Variants in CEP170B observed in about 807,000 individuals in gnomAD.
CEP170B encodes the protein centrosomal protein of 170 kDa protein B.
Under a neutral mutation model 120.6 loss-of-function variants are expected in CEP170B, and 55 were observed. That is an observed-to-expected ratio of 0.46 (90% confidence interval 0.37 to 0.57). The LOEUF (loss-of-function observed/expected upper bound fraction) is 0.57, where lower values mean the gene tolerates loss of function less well. Among genes scored for constraint, CEP170B ranks in the 20% least tolerant of loss-of-function variants. CEP170B has a pLI of 0.00. For synonymous variants in CEP170B, 1,033 were observed against 954.5 expected (o/e 1.08, Z -1.52); for missense variants, 2,212 against 2,253.3 (o/e 0.98, Z 0.37).
At position 104,893,075 on chromosome 14, in the gene CEP170B, C is replaced by T. The variant is rs1474156411; in HGVS notation, c.3978C>T (p.His1326=). ...GDTLGSSEPA[H]SASLSNMPST... ...CACTGGGCTCCTCGGAGCCTGCCCA[C>T]AGCGCCTCCCTCAGCAACATGCCCA... Residue 1326 remains histidine, a synonymous_variant, in exon 14 of 19, where the codon CAC becomes CAT. Transcript: ENST00000414716. 2 of 1,605,772 alleles carry T rather than the reference C, an allele frequency of 1.2e-6. No individual in the cohort carries two copies. Among genetic ancestry groups the T allele is most frequent in the Non-Finnish European group, 1.7e-6 (2 of 1,177,544 alleles).
Position 104,886,594 on chromosome 14 carries a change from A to G in CEP170B, c.2355A>G (p.Ser785=). The G allele has an allele frequency of 6.6e-7, 1 of 1,517,146 alleles. No homozygotes were observed. The highest frequency in any genetic ancestry group is 8.8e-7 in the Non-Finnish European group (1 of 1,135,778). 94.0% of individuals were successfully genotyped at this position (1,517,146 alleles called of 1,614,324 possible). ...EGPTWSRGRR[S]PRAPGEPTPA... ...CCACGTGGAGCAGGGGTCGGCGCTC[A>G]CCAAGGGCCCCCGGGGAGCCAACTC... The change falls in exon 12 of 19, where the codon TCA becomes TCG. Residue 785 remains serine (S), a synonymous_variant. Coordinates refer to ENST00000414716, the MANE Select transcript of CEP170B (RefSeq NM_001112726.3).
At chr14:104,894,251 T>TC (rs1466164724) in intron 16 of CEP170B, 34 bp from the exon 17 acceptor site, 9 of 1,483,922 alleles carry the variant, frequency 6.1e-6, no homozygotes, top group African/African-American at 1.4e-5. Flanking sequence ...TCTGTCCTTG[T>TC]CCCCCCATTT....
Position 104,895,108 on chromosome 14 carries a change from C to T in CEP170B, c.*150C>T. 2.3e-6 allele frequency: 2 copies of T among 881,268 alleles called. No individual in the cohort carries two copies. The highest frequency in any genetic ancestry group is 3.3e-6 in the Non-Finnish European group (2 of 600,050). 54.6% of individuals were successfully genotyped at this position (881,268 alleles called of 1,614,324 possible). A position where few individuals can be genotyped will look rare whatever the true frequency, so the allele number is the denominator to read the frequency against. ...GGGCGGGTGCCTCCCACGCCCTTGC[C>T]CCCTCGTCAGCTCCCAGCCAGCACC... On this transcript the variant is annotated 3_prime_UTR_variant, in exon 19 of 19. Transcript: ENST00000414716.
chr14:104,896,621 G>C lies in CEP170B; in HGVS notation c.*1663G>C, dbSNP rs972998946. On this transcript the variant is annotated 3_prime_UTR_variant, in exon 19 of 19. Transcript: ENST00000414716. ...GCCTGGGAACTGGTCCTTGTTTGCC[G>C]GGCTTCTCGGAGGGTTCACTGTACA... 1.8e-5 allele frequency: 8 copies of C among 456,026 alleles called. No individual in the cohort carries two copies. The highest frequency in any genetic ancestry group is 3.2e-4 in the Middle Eastern group (1 of 3,098). The allele number at this position is 456,026 out of a possible 1,614,324, so 28.2% of individuals were successfully genotyped here.
chr14:104,871,690 A>G (rs1434779760), intron 2 of CEP170B, among the ~76,000 whole-genome samples: 1 of 152,082 alleles, frequency 6.6e-6, no homozygotes, highest in African/African-American at 2.4e-5. Context: ...ACACCTGCCT[A>G]TGTTGTGCTG....
Position 104,883,464 on chromosome 14 carries a change from A to G in CEP170B, c.1007A>G (p.His336Arg). Residue 336 changes from histidine (H) to arginine (R), a missense_variant, in exon 8 of 19, where the codon CAC (histidine) becomes CGC (arginine). Physicochemically the swap from His to Arg is conservative, Grantham distance 29. This residue lies in a region of CEP170B where 2,166 missense variants were observed against 2,166.7 expected (regional missense o/e 1.00). Transcript: ENST00000414716. Reference protein sequence around the residue: ...LHRVGPGDDRHSTKSDLPVHT... With the variant: ...LHRVGPGDDRRSTKSDLPVHT... ...CGGGTTGGCCCTGGGGATGACCGCC[A>G]CAGCACCAAGAGCGACCTGCCTGTC... is the stretch of plus-strand genomic sequence containing the variant. The G allele has an allele frequency of 6.4e-7, 1 of 1,559,858 alleles. No homozygotes were observed. Among genetic ancestry groups the G allele is most frequent in the Non-Finnish European group, 8.7e-7 (1 of 1,153,266 alleles).
chr14:104,885,600 A>C, intron 10 of CEP170B, 58 bp downstream of exon 10: 1 of 1,507,074 alleles, frequency 6.6e-7, no homozygotes, highest in Non-Finnish European at 8.8e-7. Context: ...GCAGCATCCA[A>C]GCCGGACCTG....
At position 104,891,575 on chromosome 14, in the gene CEP170B, G is replaced by A. The variant is rs1170202239; in HGVS notation, c.3879-1401G>A. Among the ~76,000 whole-genome samples the A allele has an allele frequency of 6.6e-6, 1 of 152,050 alleles. No homozygotes were observed. The highest frequency in any genetic ancestry group is 1.9e-4 in the East Asian group (1 of 5,190). Reference sequence around the variant, plus strand: ...GCTCTTGGGATGCTTGAGGTATTGGGGGAGCATAGGGAAGAAGGCTGCCAT... The same window carrying A: ...GCTCTTGGGATGCTTGAGGTATTGGAGGAGCATAGGGAAGAAGGCTGCCAT... On this transcript the variant is annotated intron_variant, in intron 13 of 18. Transcript: ENST00000414716. The surrounding 1 kb of genome is among the most constrained non-coding windows in gnomAD (Gnocchi z 4.3).
In CEP170B at chr14:104,865,827, C is replaced by T. The variant is rs1895175675; in HGVS notation, c.-28+314C>T. Among the ~76,000 whole-genome samples, 1 of 152,120 alleles carries T rather than the reference C, an allele frequency of 6.6e-6. No homozygotes were observed. Among genetic ancestry groups the T allele is most frequent in the African/African-American group, 2.4e-5 (1 of 41,452 alleles). ...CGGAGAGCGCTGATTCAGAAGGCGC[C>T]GCTCCCTCCCCCGCCGGGCCCGGCC... On this transcript the variant is annotated intron_variant, in intron 1 of 18. Coordinates refer to ENST00000414716, the MANE Select transcript of CEP170B (RefSeq NM_001112726.3). The surrounding 1 kb of genome is among the most constrained non-coding windows in gnomAD (Gnocchi z 6.7).
chr14:104,878,254 C>A (rs116652440), intron 4 of CEP170B, among the ~76,000 whole-genome samples, 189 bp from the exon 5 acceptor site: 1,893 of 152,208 alleles, frequency 0.012, 40 homozygotes, highest in African/African-American at 0.043. Context: ...CCTAGGACCC[C>A]GAGTCCTGGC....
chr14:104,885,951 T>G, intron 10 of CEP170B, 89 bp from the exon 11 acceptor site: 1 of 1,195,142 alleles, frequency 8.4e-7, no homozygotes, highest in South Asian at 1.6e-5. Context: ...TGGTGTTGGC[T>G]GCTCTGGACG....
At chr14:104,864,839 G>A (rs1041950666), upstream of CEP170B, among the ~76,000 whole-genome samples, 2 of 152,184 alleles carry the variant, frequency 1.3e-5, no homozygotes, top group African/African-American at 4.8e-5. The surrounding 1 kb of genome is among the most constrained non-coding windows in gnomAD (Gnocchi z 5.9). Context: ...CTCGAGGCGC[G>A]GCTGGAGCCT....
intron 9 of CEP170B, among the ~76,000 whole-genome samples, chr14:104,885,023 T>TGGCGAGTGA (rs1281753385): frequency 4.2e-4 from 22 of 51,990 alleles, no homozygotes; most frequent in African/African-American, 1.4e-3. Context: ...ATGCCGGGGG[T>TGGCGAGTGA]GGCGAGTGAG....
chr14:104,877,857 C>CT lies in CEP170B; in HGVS notation c.196-28_196-27insT, dbSNP rs757214093. 7.3e-4 allele frequency: 657 copies of CT among 906,186 alleles called. 23 individuals carry two copies. The highest frequency in any genetic ancestry group is 2.5e-4 in the Middle Eastern group (1 of 4,038). The allele number at this position is 906,186 out of a possible 1,614,324, so 56.1% of individuals were successfully genotyped here. A position where few individuals can be genotyped will look rare whatever the true frequency, so the allele number is the denominator to read the frequency against. ...AGCCACCCACCCGCGCAGCTCCCCC[C>CT]CCCCCCCCGCCACCTGTTTTCCTGC... On this transcript the variant is annotated intron_variant, in intron 3 of 18. Transcript: ENST00000414716.
intron 2 of CEP170B, among the ~76,000 whole-genome samples, chr14:104,874,224 T>G (rs1327647502): frequency 6.6e-6 from 1 of 152,038 alleles, no homozygotes; most frequent in Non-Finnish European, 1.5e-5. Flanking sequence ...ATGGAGGAGG[T>G]GATGTCTGGC....
At chr14:104,872,702 C>A (rs903218687) in intron 2 of CEP170B, among the ~76,000 whole-genome samples, 28 of 152,078 alleles carry the variant, frequency 1.8e-4, no homozygotes, top group Admixed American at 1.8e-3. Flanking sequence ...TGCATCGAGC[C>A]GGTCTGCTGC....
Position 104,887,944 on chromosome 14 carries a change from C to G in CEP170B, c.3705C>G (p.Ser1235Arg). 1 of 1,538,786 alleles carries G rather than the reference C, an allele frequency of 6.5e-7. No individual in the cohort carries two copies. Among genetic ancestry groups the G allele is most frequent in the South Asian group, 1.2e-5 (1 of 83,198 alleles). The change falls in exon 12 of 19, where the codon AGC becomes AGG. Residue 1235 changes from serine (S) to arginine (R), a missense_variant. Ser to Arg is a moderately radical substitution (Grantham distance 110, BLOSUM62 -1). This residue lies in a region of CEP170B where 2,166 missense variants were observed against 2,166.7 expected (regional missense o/e 1.00). Transcript: ENST00000414716. ...CCACGGGTCCCCGCCAGCCCTTCAG[C>G]AGGGCCCGCTCAGGCAGTGCCCGAT... Reference protein sequence around the residue: ...ATTTGPRQPFSRARSGSARYT... With the variant: ...ATTTGPRQPFRRARSGSARYT...
intron 9 of CEP170B, among the ~76,000 whole-genome samples, 158 bp from the exon 10 acceptor site, chr14:104,885,211 A>G (rs1896408768): frequency 6.6e-6 from 1 of 151,946 alleles, no homozygotes; most frequent in African/African-American, 2.4e-5. Flanking sequence ...TCCCATCCGC[A>G]TGTCCTGCTG....
rs979200040 is a variant in CEP170B at position 104,885,662 on chromosome 14, G to A, written c.1944+120G>A. On this transcript the variant is annotated intron_variant, in intron 10 of 18. Transcript: ENST00000414716. ...GACTGGACTTTCCTCTGAGGGACAC[G>A]CTCAGAGGAGGGTGGGCTGGGGCTT... 10 of 1,297,326 alleles carry A rather than the reference G, an allele frequency of 7.7e-6. No homozygotes were observed. The East Asian group carries it at 7.9e-5, about 10-fold the overall frequency. The allele number at this position is 1,297,326 out of a possible 1,614,324, so 80.4% of individuals were successfully genotyped here.
Sources: gnomAD v4.1 joint callset for allele counts (sites outside exome capture counted in the v4.1 genomes callset) on GRCh38, gnomAD v4.1.1 for gene constraint, gnomAD v4.1.1 regional missense constraint, Gnocchi (gnomAD v3.1) non-coding constraint, MANE v1.5 for transcripts, NCBI Gene and HGNC (gene_info 2026-07-23, HGNC 2026-07-21) for gene names.